ERAP1: variants seen among roughly 807,000 people sequenced by gnomAD.
ERAP1 encodes endoplasmic reticulum aminopeptidase 1, also known as adipocyte-derived leucine aminopeptidase.
In ERAP1, 86 loss-of-function variants were observed where a neutral mutation model predicts 103.7. The ratio of observed to expected loss-of-function variants is 0.83; its 90% CI spans 0.70 to 0.99. ERAP1 has a LOEUF of 0.99. Among genes scored for constraint, ERAP1 ranks in the 50% least tolerant of loss-of-function variants. The pLI, the probability that ERAP1 is intolerant of heterozygous loss-of-function variation, is 0.00. For missense variants in ERAP1, 1,009 were observed against 1,128.4 expected (o/e 0.89, Z 1.52); for synonymous variants, 398 against 402.4 (o/e 0.99, Z 0.13).
At chr5:96,914,676 T>C in the ERAP1 span, among the ~76,000 whole-genome samples, 2 of 152,188 alleles carry the variant, frequency 1.3e-5, no homozygotes, top group Non-Finnish European at 2.9e-5. Flanking sequence ...TTTATCAACA[T>C]GAATCACTTT....
At chr5:96,925,117 T>C in the ERAP1 span, among the ~76,000 whole-genome samples, 1 of 152,244 alleles carries the variant, frequency 6.6e-6, no homozygotes, top group Admixed American at 6.5e-5. Flanking sequence ...GTTACCGTTA[T>C]AGAAATTGGT....
intron 7 of ERAP1, 33 bp from the exon 8 acceptor site, chr5:96,792,225 T>G: frequency 6.2e-7 from 1 of 1,605,054 alleles, no homozygotes; most frequent in Non-Finnish European, 8.5e-7. Context: ...ACATCACCTA[T>G]GATTTACATT....
rs1466338362 is a variant in ERAP1 at position 96,776,430 on chromosome 5, A to C, written c.2792T>G (p.Val931Gly). 6.2e-7 allele frequency: 1 copy of C among 1,613,630 alleles called. No individual in the cohort carries two copies. Among genetic ancestry groups the C allele is most frequent in the Non-Finnish European group, 8.5e-7 (1 of 1,179,878 alleles). The change falls in exon 19 of 19, where the codon GTG becomes GGG. Residue 931 changes from valine (V) to glycine (G), a missense_variant. This residue lies in a region of ERAP1 where 611 missense variants were observed against 651.7 expected (regional missense o/e 0.94). Transcript: ENST00000443439. ...TTCAAGCTTTTCACTTTGCAGCCACACTCTGATTTTATCAAAATTCTTATC... is the reference window on the plus strand; with the variant it reads ...TTCAAGCTTTTCACTTTGCAGCCACCCTCTGATTTTATCAAAATTCTTATC... ...WMDKNFDKIR[V>G]WLQSEKLERM
At chr5:96,895,216 T>A in the ERAP1 span, 2 of 1,312,816 alleles carry the variant, frequency 1.5e-6, no homozygotes, top group Non-Finnish European at 2.2e-6. Context: ...TTTGTTTAAC[T>A]TCTAATAATA....
the ERAP1 span, among the ~76,000 whole-genome samples, chr5:96,925,911 C>CA: frequency 6.6e-5 from 7 of 105,672 alleles, no homozygotes; most frequent in Non-Finnish European, 1.3e-4. Flanking sequence ...GTATAATTTG[C>CA]TTTTTTTTTT....
chr5:96,886,735 C>A, the ERAP1 span: 1 of 1,538,806 alleles, frequency 6.5e-7, no homozygotes, highest in Non-Finnish European at 8.9e-7. Context: ...ACCTTGTAGC[C>A]TACATAGTTT....
the ERAP1 span, among the ~76,000 whole-genome samples, chr5:96,830,298 ATCCTCTTTGGAGG>A: frequency 1.3e-5 from 2 of 152,196 alleles, no homozygotes; most frequent in African/African-American, 4.8e-5. Flanking sequence ...TAATTTAAAA[ATCCTCTTTGGAGG>A]AAAATAATAC....
Position 96,786,565 on chromosome 5 carries a change from G to C in ERAP1, c.1680-16C>G. 1 of 1,527,740 alleles carries C rather than the reference G, an allele frequency of 6.5e-7. No homozygotes were observed. The highest frequency in any genetic ancestry group is 9.1e-7 in the Non-Finnish European group (1 of 1,101,006). The allele number at this position is 1,527,740 out of a possible 1,614,324, so 94.6% of individuals were successfully genotyped here. On this transcript the variant is annotated splice_polypyrimidine_tract_variant and intron_variant, in intron 11 of 18. Transcript: ENST00000443439. ...CCACAGGTACCTAAAATAAAGGAGA[G>C]GTGGATTGTTCATTTGTTGATTCAA...
the ERAP1 span, among the ~76,000 whole-genome samples, chr5:96,852,780 A>G: frequency 2.0e-5 from 3 of 152,316 alleles, no homozygotes; most frequent in African/African-American, 7.2e-5. Flanking sequence ...TGGTGACTCA[A>G]TTACTTTTCA....
the ERAP1 span, among the ~76,000 whole-genome samples, chr5:96,847,158 G>C: frequency 1.3e-5 from 2 of 148,588 alleles, no homozygotes; most frequent in Admixed American, 1.4e-4. Context: ...TGAGGCAGGA[G>C]AATCGCTTGA....
chr5:96,784,783 C>T (rs1775769490), intron 13 of ERAP1: 1 of 152,932 alleles, frequency 6.5e-6, no homozygotes, highest in Non-Finnish European at 1.5e-5. Flanking sequence ...ATTTTCTTCT[C>T]CATTTCAAAG....
the ERAP1 span, among the ~76,000 whole-genome samples, chr5:96,871,938 T>A: frequency 6.6e-6 from 1 of 152,166 alleles, no homozygotes; most frequent in Non-Finnish European, 1.5e-5. Flanking sequence ...ATTTACTAGG[T>A]GAATTTCCCC....
At chr5:96,908,655 T>C in the ERAP1 span, among the ~76,000 whole-genome samples, 1 of 152,242 alleles carries the variant, frequency 6.6e-6, no homozygotes, top group African/African-American at 2.4e-5. Flanking sequence ...TATTAACCTT[T>C]TGCTATGTGG....
Position 96,793,932 on chromosome 5 carries a change from C to G in ERAP1, c.945G>C (p.Gln315His), listed in dbSNP as rs764295582. Residue 315 changes from glutamine (Q) to histidine (H), a missense_variant, in exon 6 of 19, where the codon CAG (glutamine) becomes CAC (histidine). Gln to His is a conservative substitution (Grantham distance 24). Transcript: ENST00000443439. ...GTCCCCAGTTTTCCATAGCACCAGA[C>G]TGAAAGTCGGGAATAGCAGCAAGAT... ...KQDLAAIPDF[Q>H]SGAMENWGLT... 2 of 1,613,908 alleles carry G rather than the reference C, an allele frequency of 1.2e-6. No homozygotes were observed. Among genetic ancestry groups the G allele is most frequent in the African/African-American group, 1.3e-5 (1 of 74,912 alleles).
chr5:96,840,130 T>C, the ERAP1 span, among the ~76,000 whole-genome samples: 4 of 152,198 alleles, frequency 2.6e-5, no homozygotes, highest in Admixed American at 2.6e-4. Flanking sequence ...AATAACTGAG[T>C]AAATGCTGCT....
chr5:96,931,504 C>CA, the ERAP1 span, among the ~76,000 whole-genome samples: 1 of 152,096 alleles, frequency 6.6e-6, no homozygotes, highest in Non-Finnish European at 1.5e-5. Flanking sequence ...AACATTAAGG[C>CA]ATCAGTGAGG....
At position 96,797,294 on chromosome 5, in the gene ERAP1, C is replaced by T; in HGVS notation, c.679G>A (p.Val227Ile). ...TGGTCTTCTATGAGTCCTTCAGCAA[C>T]AGTCACAGATTTCACCTAAAATCAG... The part of the protein sequence containing the change: ...SNMPLVKSVT[V>I]AEGLIEDHFD... Residue 227 changes from valine to isoleucine, a missense_variant, in exon 4 of 19, where the codon GTT becomes ATT. Physicochemically the swap from Val to Ile is conservative, Grantham distance 29 (BLOSUM62 3). Transcript: ENST00000443439. 1 of 1,614,126 alleles carries T rather than the reference C, an allele frequency of 6.2e-7. No homozygotes were observed. Among genetic ancestry groups the T allele is most frequent in the Non-Finnish European group, 8.5e-7 (1 of 1,179,990 alleles).
At chr5:96,916,793 C>G in the ERAP1 span, among the ~76,000 whole-genome samples, 1 of 148,282 alleles carries the variant, frequency 6.7e-6, no homozygotes, top group South Asian at 2.1e-4. Flanking sequence ...GCATTATAGT[C>G]TTTGCACCTT....
At chr5:96,924,723 G>A in the ERAP1 span, among the ~76,000 whole-genome samples, 1 of 151,758 alleles carries the variant, frequency 6.6e-6, no homozygotes, top group East Asian at 1.9e-4. Context: ...TCAGCCTCAC[G>A]AGTAGCCGGG....
Sources: gnomAD v4.1 joint callset for allele counts (sites outside exome capture counted in the v4.1 genomes callset) on GRCh38, gnomAD v4.1.1 for gene constraint, gnomAD v4.1.1 regional missense constraint, MANE v1.5 for transcripts, NCBI Gene and HGNC (gene_info 2026-07-23, HGNC 2026-07-21) for gene names.